The following SH2D2A variants were observed in gnomAD, a reference collection of about 807,000 sequenced individuals.
SH2D2A encodes the protein SH2 domain containing 2A, also known as SH2 domain-containing protein 2A.
SH2D2A carries 33 observed loss-of-function variants against 43.6 expected under a neutral mutation model. The observed-to-expected ratio is 0.76, with a 90% CI of 0.57 to 1.01. SH2D2A has a LOEUF of 1.01. Ranked by LOEUF, SH2D2A falls within the 50% of genes least tolerant of loss-of-function variation. The pLI, the probability that SH2D2A is intolerant of heterozygous loss-of-function variation, is 0.00. For missense variants in SH2D2A, 491 were observed against 503.1 expected, an observed-to-expected ratio of 0.98 and a Z score of 0.23; for synonymous variants, 212 against 206.1, an observed-to-expected ratio of 1.03 and a Z score of -0.25.
chr1:156,809,516 G>A lies in SH2D2A; in HGVS notation c.715-26C>T. The A allele has an allele frequency of 6.3e-7, 1 of 1,576,918 alleles. No individual in the cohort carries two copies. Among genetic ancestry groups the A allele is most frequent in the Non-Finnish European group, 8.6e-7 (1 of 1,161,180 alleles). ...CTGGGAGAGAAGGTGAGGCCAGGGA[G>A]GAGTGGGGTGAGGGAGGCAGGGTTA... On this transcript the variant is annotated intron_variant, in intron 6 of 8. Coordinates refer to ENST00000368199, the MANE Select transcript of SH2D2A (RefSeq NM_003975.4). This position sits in a 1 kb window ranked among gnomAD's most constrained non-coding sequence, Gnocchi z 4.8.
Position 156,809,968 on chromosome 1 carries a change from GT to G in SH2D2A, c.568-162del, listed in dbSNP as rs1653296790. ...TTCCCTGGATGAGGAAGAGGGGGTG[GT>G]GACGGCAGGGAGACCCAGGGTTGGA... On this transcript the variant is annotated intron_variant, in intron 5 of 8. Coordinates refer to ENST00000368199, the MANE Select transcript of SH2D2A (RefSeq NM_003975.4). The surrounding 1 kb of genome is among the most constrained non-coding windows in gnomAD (Gnocchi z 4.8). Among the ~76,000 whole-genome samples the G allele has an allele frequency of 6.6e-6, 1 of 152,098 alleles. No homozygotes were observed. Among genetic ancestry groups the G allele is most frequent in the Admixed American group, 6.5e-5 (1 of 15,272 alleles).
chr1:156,816,585 CTGAAGTGGGAGCT>C lies in SH2D2A; in HGVS notation c.34+77_34+89del, dbSNP rs1653957761. 7 of 1,425,872 alleles carry C rather than the reference CTGAAGTGGGAGCT, an allele frequency of 4.9e-6. No homozygotes were observed. In the South Asian group the frequency reaches 7.8e-5, roughly 16 times the overall value. The allele number at this position is 1,425,872 out of a possible 1,614,324, so 88.3% of individuals were successfully genotyped here. On this transcript the variant is annotated intron_variant, in intron 1 of 8. Transcript: ENST00000368199. ...TGGCTTAGGGTGGGGCCCCTCATCC[CTGAAGTGGGAGCT>C]CAAGCCCAGGAGGGAGGGCAGGGGG...
intron 5 of SH2D2A, 70 bp downstream of exon 5, chr1:156,813,778 C>T (rs1653591875): frequency 1.5e-6 from 2 of 1,335,088 alleles, no homozygotes; most frequent in South Asian, 3.8e-5. Context: ...GCGTCCTGCG[C>T]CTGGGCTCTG....
intron 5 of SH2D2A, among the ~76,000 whole-genome samples, chr1:156,812,120 C>G (rs550963816): frequency 6.6e-6 from 1 of 152,092 alleles, no homozygotes; most frequent in Non-Finnish European, 1.5e-5. Flanking sequence ...CTCATCCAAT[C>G]CCACAAAAAC....
rs933680106 is a variant in SH2D2A, at chr1:156,809,908, A to G, written c.568-101T>C. Reference sequence around the variant, plus strand: ...TCCAGTCTAAGTGGAGGATGGGGGAAGGGGGAGGAGCACAGAAATTTGGCC... The same window carrying G: ...TCCAGTCTAAGTGGAGGATGGGGGAGGGGGGAGGAGCACAGAAATTTGGCC... On this transcript the variant is annotated intron_variant, in intron 5 of 8. Coordinates refer to ENST00000368199, the MANE Select transcript of SH2D2A (RefSeq NM_003975.4). This position sits in a 1 kb window ranked among gnomAD's most constrained non-coding sequence, Gnocchi z 4.8. 5 of 1,293,544 alleles carry G rather than the reference A, an allele frequency of 3.9e-6. No individual in the cohort carries two copies. Among genetic ancestry groups the G allele is most frequent in the Admixed American group, 4.4e-5 (2 of 45,116 alleles). 80.1% of individuals were successfully genotyped at this position (1,293,544 alleles called of 1,614,324 possible). A position where few individuals can be genotyped will look rare whatever the true frequency, so the allele number is the denominator to read the frequency against.
In SH2D2A at chr1:156,813,989, C is replaced by G. The variant is rs1370394288; in HGVS notation, c.426G>C (p.Leu142=). The change falls in exon 5 of 9, where the codon CTG becomes CTC. Residue 142 remains leucine, a synonymous_variant. Coordinates refer to ENST00000368199, the MANE Select transcript of SH2D2A (RefSeq NM_003975.4). ...YRSRTCCRHF[L]LAQLRDGRHV... is the part of the protein sequence containing the mutation. ...GGCGCCCGTCCCTGAGCTGGGCCAGCAGGAAGTGGCGGCAGCAAGTCCGGC... is the reference window on the plus strand; with the variant it reads ...GGCGCCCGTCCCTGAGCTGGGCCAGGAGGAAGTGGCGGCAGCAAGTCCGGC... 1 of 1,522,634 alleles carries G rather than the reference C, an allele frequency of 6.6e-7. No homozygotes were observed. Among genetic ancestry groups the G allele is most frequent in the Admixed American group, 2.0e-5 (1 of 49,594 alleles). 94.3% of individuals were successfully genotyped at this position (1,522,634 alleles called of 1,614,324 possible). A position where few individuals can be genotyped will look rare whatever the true frequency, so the allele number is the denominator to read the frequency against.
intron 1 of SH2D2A, 83 bp from the exon 2 acceptor site, chr1:156,816,177 G>A: frequency 6.6e-7 from 1 of 1,508,446 alleles, no homozygotes. Context: ...CCCAGGCTCA[G>A]GGGATCTGGA....
At position 156,816,097 on chromosome 1, in the gene SH2D2A, G is replaced by T; in HGVS notation, c.35-3C>A. ...TGGGATGGGGGCTTCGTGACTCCCT[G>T]TGAGCACAAAGAGGGCTGCCGGGGT... On this transcript the variant is annotated splice_region_variant and splice_polypyrimidine_tract_variant and intron_variant, in intron 1 of 8. Transcript: ENST00000368199. 1 of 1,612,112 alleles carries T rather than the reference G, an allele frequency of 6.2e-7. No homozygotes were observed. The highest frequency in any genetic ancestry group is 1.1e-5 in the South Asian group (1 of 90,698).
intron 2 of SH2D2A, 23 bp from the exon 3 acceptor site, chr1:156,815,244 G>A: frequency 6.8e-7 from 1 of 1,460,264 alleles, no homozygotes; most frequent in South Asian, 1.5e-5. Context: ...AGAGTTCAAG[G>A]AGGGGGAAGC....
chr1:156,811,212 C>T (rs1457278393), intron 5 of SH2D2A, among the ~76,000 whole-genome samples: 2 of 152,164 alleles, frequency 1.3e-5, no homozygotes, highest in African/African-American at 4.8e-5. Context: ...ACAAGTCCTG[C>T]TCCTTCCACT....
chr1:156,816,805 G>T lies in SH2D2A; in HGVS notation c.-97C>A. The T allele has an allele frequency of 8.5e-7, 1 of 1,179,486 alleles. No individual in the cohort carries two copies. Among genetic ancestry groups the T allele is most frequent in the Non-Finnish European group, 1.2e-6 (1 of 863,954 alleles). 73.1% of individuals were successfully genotyped at this position (1,179,486 alleles called of 1,614,324 possible). A position where few individuals can be genotyped will look rare whatever the true frequency, so the allele number is the denominator to read the frequency against. On this transcript the variant is annotated 5_prime_UTR_variant, in exon 1 of 9. Coordinates refer to ENST00000368199, the MANE Select transcript of SH2D2A (RefSeq NM_003975.4). ...ACTCATCATCTCTCCTCTCACCCTG[G>T]CCCCGGGGGCAGGAAATGTCGCCTT...
At chr1:156,815,358 C>T (rs1339999640) in intron 2 of SH2D2A, 137 bp from the exon 3 acceptor site, 14 of 678,132 alleles carry the variant, frequency 2.1e-5, no homozygotes, top group Non-Finnish European at 3.1e-5. Flanking sequence ...CCCAGAAAGT[C>T]CTTCCTAAAG....
intron 5 of SH2D2A, 96 bp downstream of exon 5, chr1:156,813,752 G>C: frequency 8.2e-7 from 1 of 1,215,332 alleles, no homozygotes; most frequent in Non-Finnish European, 1.1e-6. Context: ...TTCGGGATGA[G>C]AAAGTGCCTG....
At chr1:156,808,417 G>A (rs1653132800) in intron 7 of SH2D2A, among the ~76,000 whole-genome samples, 1 of 152,170 alleles carries the variant, frequency 6.6e-6, no homozygotes, top group Admixed American at 6.5e-5. Flanking sequence ...TTGGAAAAAA[G>A]TTTGGACGGA....
Position 156,814,390 on chromosome 1 carries a change from C to T in SH2D2A, c.309-96G>A, listed in dbSNP as rs1653685950. 7.2e-6 allele frequency: 11 copies of T among 1,531,324 alleles called. No homozygotes were observed. The South Asian group carries it at 1.2e-4, about 17-fold the overall frequency. The allele number at this position is 1,531,324 out of a possible 1,614,324, so 94.9% of individuals were successfully genotyped here. On this transcript the variant is annotated intron_variant, in intron 3 of 8. Coordinates refer to ENST00000368199, the MANE Select transcript of SH2D2A (RefSeq NM_003975.4). ...CTCACGAGGAACCCCTACCCCCAAG[C>T]AAGCATGCTGGAGCGGCTAGAGAAA...
chr1:156,814,706 G>T, intron 3 of SH2D2A: 1 of 399,884 alleles, frequency 2.5e-6, no homozygotes, highest in Non-Finnish European at 4.5e-6. Context: ...AGAAGAGAGG[G>T]CTGGGAGATA....
intron 5 of SH2D2A, among the ~76,000 whole-genome samples, chr1:156,810,163 G>C (rs1312909184): frequency 2.0e-5 from 3 of 152,152 alleles, no homozygotes; most frequent in African/African-American, 7.2e-5. Flanking sequence ...AGCCTCCCAA[G>C]TAGCTGGGAC....
At chr1:156,808,576 T>A (rs1035635730) in intron 7 of SH2D2A, among the ~76,000 whole-genome samples, 7 of 151,810 alleles carry the variant, frequency 4.6e-5, no homozygotes, top group Non-Finnish European at 7.4e-5. Context: ...GGGGAAGGGC[T>A]TTGGGAGGGC....
intron 2 of SH2D2A, 120 bp from the exon 3 acceptor site, chr1:156,815,341 A>C: frequency 1.3e-6 from 1 of 757,280 alleles, no homozygotes; most frequent in Non-Finnish European, 2.1e-6. Context: ...ATTTTAGGGT[A>C]CAATTGCCCA....
Sources: gnomAD v4.1 joint callset for allele counts (sites outside exome capture counted in the v4.1 genomes callset) on GRCh38, gnomAD v4.1.1 for gene constraint, Gnocchi (gnomAD v3.1) non-coding constraint, MANE v1.5 for transcripts, NCBI Gene and HGNC (gene_info 2026-07-23, HGNC 2026-07-21) for gene names.